The following XPO4 variants were observed in gnomAD, a reference collection of about 807,000 sequenced individuals.
The protein encoded by XPO4 is exportin 4, also known as exportin-4.
Under a neutral mutation model 143.0 loss-of-function variants are expected in XPO4, and 39 were observed. The observed-to-expected ratio is 0.27, with a 90% CI of 0.21 to 0.36. XPO4 has a LOEUF of 0.36. XPO4 is among the 10% of genes least tolerant of loss of function. The pLI is 1.00. For synonymous variants in XPO4, 439 were observed against 474.0 expected (o/e 0.93, Z 0.96); for missense variants, 907 against 1,348.0 (o/e 0.67, Z 5.12).
chr13:20,796,641 T>A (rs2762988), intron 17 of XPO4, 123 bp downstream of exon 17: 200,564 of 826,912 alleles, frequency 0.24, 32,589 homozygotes, highest in East Asian at 0.79. Context: ...TTTTTAAAAA[T>A]CTTTTGAAGG....
rs532684334 is a variant in XPO4, at chr13:20,860,722, A to G, written c.317+1995T>C. Among the ~76,000 whole-genome samples, 217 of 152,354 alleles carry G rather than the reference A, an allele frequency of 1.4e-3. 1 individual carries two copies. Among genetic ancestry groups the G allele is most frequent in the African/African-American group, 5.2e-3 (215 of 41,584 alleles). On this transcript the variant is annotated intron_variant, in intron 3 of 22. Transcript: ENST00000255305. The stretch of plus-strand genomic sequence containing the variant: ...TCACATCCAAATGGACCCACCAAAC[A>G]AAAACCAATCAATCAATCCAGCATG...
intron 1 of XPO4, among the ~76,000 whole-genome samples, chr13:20,876,509 G>A (rs1334746902): frequency 6.6e-6 from 1 of 151,918 alleles, no homozygotes; most frequent in Non-Finnish European, 1.5e-5. Flanking sequence ...AAAGTAGACA[G>A]TTACTCATAT....
intron 3 of XPO4, among the ~76,000 whole-genome samples, chr13:20,860,476 C>T (rs9579958): frequency 0.093 from 14,179 of 152,204 alleles, 821 homozygotes; most frequent in Non-Finnish European, 0.13. Flanking sequence ...CAACAAAACA[C>T]GTATCTCTTC....
In XPO4 at chr13:20,857,157, C is replaced by T. The variant is rs143548017; in HGVS notation, c.318-1392G>A. 5.9e-5 allele frequency among the ~76,000 whole-genome samples: 9 copies of T among 152,132 alleles called. No homozygotes were observed. The East Asian group carries it at 1.7e-3, about 29-fold the overall frequency. On this transcript the variant is annotated intron_variant, in intron 3 of 22. Coordinates refer to ENST00000255305, the MANE Select transcript of XPO4 (RefSeq NM_022459.5). ...TACTATGCATAAGAATATTAGTTGG[C>T]CAAAGGGAATTTCTGTACTTTTAGG...
intron 4 of XPO4, chr13:20,849,111 C>T: frequency 1.0e-6 from 1 of 985,398 alleles, no homozygotes; most frequent in Non-Finnish European, 1.2e-6. Context: ...CTCCAGCTGA[C>T]AAAATAAAAT....
chr13:20,810,269 T>C (rs191248644), intron 9 of XPO4, among the ~76,000 whole-genome samples: 48 of 152,302 alleles, frequency 3.2e-4, no homozygotes, highest in African/African-American at 1.0e-3. Flanking sequence ...AAAAAAAATG[T>C]ATACACCCTA....
At chr13:20,868,302 G>GA (rs2060262266) in intron 2 of XPO4, 3 of 211,602 alleles carry the variant, frequency 1.4e-5, no homozygotes, top group Non-Finnish European at 2.8e-5. Flanking sequence ...TTTGAAAACT[G>GA]AAAAAATACT....
Position 20,807,505 on chromosome 13 carries a change from T to G in XPO4, c.1769A>C (p.Glu590Ala). Residue 590 changes from glutamate to alanine, a missense_variant, in exon 13 of 23, where the codon GAA becomes GCA. Glu to Ala is a moderately radical substitution (Grantham distance 107). Coordinates refer to ENST00000255305, the MANE Select transcript of XPO4 (RefSeq NM_022459.5). Reference protein sequence around the residue: ...TTLQILGSPGEKASSIPGYNR... With the variant: ...TTLQILGSPGAKASSIPGYNR... ...GTACCCTGGGATGGAAGAAGCCTTT[T>G]CTCCTGGAGATCCCAAAATTTGAAG... 1 of 1,613,818 alleles carries G rather than the reference T, an allele frequency of 6.2e-7. No homozygotes were observed. Among genetic ancestry groups the G allele is most frequent in the Non-Finnish European group, 8.5e-7 (1 of 1,179,882 alleles).
At chr13:20,796,050 T>C in intron 18 of XPO4, 26 bp downstream of exon 18, 1 of 1,587,234 alleles carries the variant, frequency 6.3e-7, no homozygotes, top group Non-Finnish European at 8.6e-7. Flanking sequence ...ACAACAAAGT[T>C]TAAAAACCAT....
intron 1 of XPO4, among the ~76,000 whole-genome samples, chr13:20,872,796 C>G (rs1202167627): frequency 7.4e-6 from 1 of 135,522 alleles, no homozygotes; most frequent in Admixed American, 7.2e-5. Flanking sequence ...ACTACACTTA[C>G]ATAGCTCAAA....
At chr13:20,868,412 A>G (rs945839553) in intron 2 of XPO4, 184 bp downstream of exon 2, 1 of 996,104 alleles carries the variant, frequency 1.0e-6, no homozygotes, top group Non-Finnish European at 1.3e-6. Context: ...AGTAAAAACA[A>G]AGTTTCCCGT....
chr13:20,799,023 A>G (rs1305535803), intron 16 of XPO4, 142 bp downstream of exon 16: 6 of 269,562 alleles, frequency 2.2e-5, no homozygotes, highest in East Asian at 2.3e-4. Flanking sequence ...CCTATCTCAG[A>G]AAAAAAAAAA....
chr13:20,850,601 A>C (rs1281798633), intron 4 of XPO4, among the ~76,000 whole-genome samples: 1 of 152,070 alleles, frequency 6.6e-6, no homozygotes, highest in African/African-American at 2.4e-5. Context: ...CCATCTTTAC[A>C]AAAAAATTTT....
intron 1 of XPO4, among the ~76,000 whole-genome samples, chr13:20,891,380 A>G (rs1566629930): frequency 6.6e-6 from 1 of 152,136 alleles, no homozygotes; most frequent in Non-Finnish European, 1.5e-5. Flanking sequence ...TGCTTACTAT[A>G]AGGTTATCTT....
At chr13:20,851,253 G>A (rs1199519121) in intron 4 of XPO4, 19 of 985,238 alleles carry the variant, frequency 1.9e-5, no homozygotes, top group Non-Finnish European at 2.3e-5. Context: ...GACAAATAGG[G>A]ACAGTGTATG....
intron 2 of XPO4, among the ~76,000 whole-genome samples, chr13:20,867,689 T>A (rs1410295268): frequency 1.3e-5 from 2 of 152,208 alleles, no homozygotes; most frequent in African/African-American, 4.8e-5. Flanking sequence ...TTAATTGTAG[T>A]TTATTTCAAT....
rs188116297 is a variant in XPO4, at chr13:20,833,959, C to T, written c.728-6780G>A. ...ATGGTATGATGGAGGATCACAGGAC[C>T]AGGACACTTTCTTTGCACAACAGTG... On this transcript the variant is annotated intron_variant, in intron 6 of 22. Coordinates refer to ENST00000255305, the MANE Select transcript of XPO4 (RefSeq NM_022459.5). Among the ~76,000 whole-genome samples, 7 of 152,182 alleles carry T rather than the reference C, an allele frequency of 4.6e-5. No individual in the cohort carries two copies. The East Asian group carries it at 1.4e-3, about 29-fold the overall frequency.
intron 20 of XPO4, 96 bp downstream of exon 20, chr13:20,788,390 A>C: frequency 6.7e-7 from 1 of 1,502,670 alleles, no homozygotes; most frequent in Non-Finnish European, 8.9e-7. Flanking sequence ...TGAACCATAA[A>C]AGAAAAATGA....
intron 6 of XPO4, among the ~76,000 whole-genome samples, chr13:20,838,693 A>G (rs2059943876): frequency 6.6e-6 from 1 of 151,638 alleles, no homozygotes; most frequent in Non-Finnish European, 1.5e-5. Context: ...GTGATGATAG[A>G]TCACTGCAAC....
Sources: gnomAD v4.1 joint callset for allele counts (sites outside exome capture counted in the v4.1 genomes callset) on GRCh38, gnomAD v4.1.1 for gene constraint, MANE v1.5 for transcripts, NCBI Gene and HGNC (gene_info 2026-07-23, HGNC 2026-07-21) for gene names.